SDCBP2: variants seen among roughly 807,000 people sequenced by gnomAD.
SDCBP2 encodes syntenin-2.
In SDCBP2, 28 loss-of-function variants were observed where a neutral mutation model predicts 30.7. The ratio of observed to expected loss-of-function variants is 0.91; its 90% CI spans 0.68 to 1.25. The LOEUF is 1.25. Among genes scored for constraint, SDCBP2 ranks in the 50% most tolerant of loss-of-function variants. The pLI is 0.00. For synonymous variants in SDCBP2, 166 were observed against 157.3 expected (o/e 1.06, Z -0.41); for missense variants, 399 against 379.0 (o/e 1.05, Z -0.44).
intron 7 of SDCBP2, 24 bp from the exon 8 acceptor site, chr20:1,310,915 T>C: frequency 6.3e-7 from 1 of 1,588,368 alleles, no homozygotes; most frequent in Non-Finnish European, 8.6e-7. Context: ...AAGTAAGCGA[T>C]CACCCTAAGG....
chr20:1,315,627 A>G (rs746141358), intron 4 of SDCBP2, among the ~76,000 whole-genome samples: 1 of 152,194 alleles, frequency 6.6e-6, no homozygotes, highest in Non-Finnish European at 1.5e-5. Flanking sequence ...AAAAAAATTA[A>G]CCCAAATTCA....
Position 1,319,775 on chromosome 20 carries a change from G to T in SDCBP2, c.55-116C>A, listed in dbSNP as rs572602750. The stretch of plus-strand genomic sequence containing the variant: ...AGGGGTGTGAGTGGGCCCGGGGTGT[G>T]GGGGGAGTGTGCACCAACCCTCAGG... On this transcript the variant is annotated intron_variant, in intron 2 of 8. Coordinates refer to ENST00000360779, the MANE Select transcript of SDCBP2 (RefSeq NM_080489.5). 27 of 807,126 alleles carry T rather than the reference G, an allele frequency of 3.3e-5. No individual in the cohort carries two copies. In the South Asian group the frequency reaches 4.6e-4, roughly 14 times the overall value. 50.0% of individuals were successfully genotyped at this position (807,126 alleles called of 1,614,324 possible). A position where few individuals can be genotyped will look rare whatever the true frequency, so the allele number is the denominator to read the frequency against.
At chr20:1,326,042 TG>T (rs894731295) in intron 1 of SDCBP2, among the ~76,000 whole-genome samples, 9 of 152,106 alleles carry the variant, frequency 5.9e-5, no homozygotes, top group Admixed American at 2.0e-4. Flanking sequence ...CAGTTGGATG[TG>T]GCGTATAGGA....
At position 1,313,665 on chromosome 20, in the gene SDCBP2, C is replaced by T. The variant is rs1477730989; in HGVS notation, c.226-167G>A. The stretch of plus-strand genomic sequence containing the variant: ...CTAGGGGCGAGAGGAGACGTGGCTC[C>T]ACGCGGCCACTAGGGGGCGTCAAAG... On this transcript the variant is annotated intron_variant, in intron 4 of 8. Coordinates refer to ENST00000360779, the MANE Select transcript of SDCBP2 (RefSeq NM_080489.5). This position sits in a 1 kb window ranked among gnomAD's most constrained non-coding sequence, Gnocchi z 5.2. 5.1e-6 allele frequency: 7 copies of T among 1,370,676 alleles called. No individual in the cohort carries two copies. Among genetic ancestry groups the T allele is most frequent in the Non-Finnish European group, 6.6e-6 (7 of 1,064,198 alleles). 84.9% of individuals were successfully genotyped at this position (1,370,676 alleles called of 1,614,324 possible). A position where few individuals can be genotyped will look rare whatever the true frequency, so the allele number is the denominator to read the frequency against.
intron 1 of SDCBP2, among the ~76,000 whole-genome samples, chr20:1,326,453 CTACTT>C (rs1329621200): frequency 6.6e-6 from 1 of 152,212 alleles, no homozygotes; most frequent in East Asian, 1.9e-4. Context: ...TTATTCCAGA[CTACTT>C]TAGGTTGAGT....
chr20:1,311,012 A>AG (rs1359103471), intron 7 of SDCBP2, 121 bp from the exon 8 acceptor site: 1 of 682,108 alleles, frequency 1.5e-6, no homozygotes, highest in African/African-American at 1.8e-5. Flanking sequence ...GGCTGACTGC[A>AG]GGGCAGGGCT....
In SDCBP2 at chr20:1,310,159, A is replaced by G; in HGVS notation, c.*282T>C. 2.9e-6 allele frequency: 1 copy of G among 344,152 alleles called. No homozygotes were observed. The highest frequency in any genetic ancestry group is 5.3e-6 in the Non-Finnish European group (1 of 190,354). 21.3% of individuals were successfully genotyped at this position (344,152 alleles called of 1,614,324 possible). A position where few individuals can be genotyped will look rare whatever the true frequency, so the allele number is the denominator to read the frequency against. ...TTGAAAGGGGCCCAGTTGCGACTTT[A>G]AGCAGCGTTTAAACAGCCTGCCTCC... is the stretch of plus-strand genomic sequence containing the variant. On this transcript the variant is annotated 3_prime_UTR_variant, in exon 9 of 9. Coordinates refer to ENST00000360779, the MANE Select transcript of SDCBP2 (RefSeq NM_080489.5).
intron 7 of SDCBP2, 84 bp downstream of exon 7, chr20:1,312,253 G>T: frequency 7.3e-7 from 1 of 1,366,696 alleles, no homozygotes; most frequent in Non-Finnish European, 1.0e-6. Flanking sequence ...GGATGCTGAG[G>T]CTCAGGTGGG....
At chr20:1,328,390 C>T (rs1195733210) in intron 1 of SDCBP2, among the ~76,000 whole-genome samples, 1 of 151,908 alleles carries the variant, frequency 6.6e-6, no homozygotes, top group Non-Finnish European at 1.5e-5. Context: ...GAGCAGGAGC[C>T]CAGGTGGGAA....
intron 4 of SDCBP2, chr20:1,317,714 CAGCCTTAGACA>C (rs1396602539): frequency 1.5e-5 from 3 of 198,762 alleles, no homozygotes; most frequent in Admixed American, 1.1e-4. Context: ...TGAAATTCCC[CAGCCTTAGACA>C]ACTTTGCAGT....
intron 1 of SDCBP2, chr20:1,322,357 G>A (rs2088860507): frequency 6.6e-6 from 1 of 152,158 alleles, no homozygotes; most frequent in African/African-American, 2.4e-5. Flanking sequence ...CTCCTTAGGA[G>A]TTCCAAGATG....
In SDCBP2 at chr20:1,312,343, C is replaced by A; in HGVS notation, c.726G>T (p.Gly242=). ...GGTGCGGCCACCAGCCTACCTTCAG[C>A]CCGATAACATTCTGCCCGTCCACCT... ...VCEVDGQNVI[G]LKDKKIMEIL... Residue 242 remains glycine (G), a synonymous_variant, in exon 7 of 9, where the codon GGG becomes GGT. Transcript: ENST00000360779. The A allele has an allele frequency of 6.2e-7, 1 of 1,612,782 alleles. No homozygotes were observed.
At chr20:1,328,738 C>T (rs1600290707) in intron 1 of SDCBP2, among the ~76,000 whole-genome samples, 1 of 152,094 alleles carries the variant, frequency 6.6e-6, no homozygotes, top group Non-Finnish European at 1.5e-5. Context: ...GAGAAATGGG[C>T]TTTTTGCCTG....
At chr20:1,318,096 C>T (rs1224876201) in intron 4 of SDCBP2, 5 of 582,912 alleles carry the variant, frequency 8.6e-6, no homozygotes, top group Non-Finnish European at 1.6e-5. Flanking sequence ...CCTGGTTCTC[C>T]ATCCCCAAGG....
chr20:1,319,753 GGT>G, intron 2 of SDCBP2, 94 bp from the exon 3 acceptor site: 2 of 1,028,388 alleles, frequency 1.9e-6, no homozygotes, highest in Non-Finnish European at 2.8e-6. Context: ...GGGCATTAGG[GGT>G]GTGAGTGGGC....
chr20:1,311,592 G>A (rs76811208), intron 7 of SDCBP2, among the ~76,000 whole-genome samples: 7,071 of 152,236 alleles, frequency 0.046, 534 homozygotes, highest in African/African-American at 0.16. Flanking sequence ...TTGGTTGTTC[G>A]AAAATAAATG....
rs2273958 is a variant in SDCBP2, at chr20:1,312,364, C to T, written c.705G>A (p.Val235=). 870,969 of 1,612,488 alleles carry T rather than the reference C, an allele frequency of 0.54. 241,296 individuals carry two copies. The highest frequency in any genetic ancestry group is 0.88 in the East Asian group (39,424 of 44,818). ...TCAGCCCGATAACATTCTGCCCGTC[C>T]ACCTCACACACGTAGTGGTTGGTGA... ...GLLTNHYVCE[V]DGQNVIGLKD... Residue 235 remains valine (V), a synonymous_variant, in exon 7 of 9, where the codon GTG becomes GTA. Coordinates refer to ENST00000360779, the MANE Select transcript of SDCBP2 (RefSeq NM_080489.5).
chr20:1,323,674 C>T (rs2088878662), intron 1 of SDCBP2: 1 of 152,192 alleles, frequency 6.6e-6, no homozygotes, highest in African/African-American at 2.4e-5. Flanking sequence ...TCCACAGCTG[C>T]TTATGTCCCT....
Position 1,310,444 on chromosome 20 carries a change from G to C in SDCBP2, c.876C>G (p.Ala292=). 1 of 1,613,508 alleles carries C rather than the reference G, an allele frequency of 6.2e-7. No homozygotes were observed. The highest frequency in any genetic ancestry group is 8.5e-7 in the Non-Finnish European group (1 of 1,179,948). The change falls in exon 9 of 9, where the codon GCC becomes GCG. Residue 292 remains alanine (A), a synonymous_variant. Coordinates refer to ENST00000360779, the MANE Select transcript of SDCBP2 (RefSeq NM_080489.5). ...HHTMDHSIPD[A] is the part of the protein sequence containing the mutation. ...CCTGCCCTGCCCTGCAGTGGCTTCA[G>C]GCATCTGGGATGGAGTGGTCCATGG...
Sources: allele counts gnomAD v4.1 joint callset (sites outside exome capture counted in the v4.1 genomes callset), GRCh38; gene constraint gnomAD v4.1.1; non-coding constraint Gnocchi (gnomAD v3.1); transcripts MANE v1.5; gene names NCBI Gene and HGNC (gene_info 2026-07-23, HGNC 2026-07-21).